Variants in HAUS6 observed in about 807,000 individuals in gnomAD.
HAUS6 encodes HAUS augmin like complex subunit 6, also known as HAUS augmin-like complex subunit 6.
HAUS6 carries 80 observed loss-of-function variants against 106.8 expected under a neutral mutation model. The ratio of observed to expected loss-of-function variants is 0.75; its 90% CI spans 0.63 to 0.90. The LOEUF is 0.90. Ranked by LOEUF, HAUS6 falls within the 40% of genes least tolerant of loss-of-function variation. HAUS6 has a pLI of 0.00. For missense variants in HAUS6, 1,155 were observed against 1,118.1 expected, an observed-to-expected ratio of 1.03 and a Z score of -0.47; for synonymous variants, 356 against 379.1, an observed-to-expected ratio of 0.94 and a Z score of 0.71.
rs73435347 is a variant in HAUS6, at chr9:19,057,601, T to G, written c.2806+360A>C. 1,604 of 249,054 alleles carry G rather than the reference T, an allele frequency of 6.4e-3. 25 individuals carry two copies. Among genetic ancestry groups the G allele is most frequent in the African/African-American group, 0.032 (1,462 of 45,128 alleles). 15.4% of individuals were successfully genotyped at this position (249,054 alleles called of 1,614,324 possible). A position where few individuals can be genotyped will look rare whatever the true frequency, so the allele number is the denominator to read the frequency against. Reference sequence around the variant, plus strand: ...TATTTCTACACCCCACCCCCAGATATTACACCATTATAGTGATGATATTTA... The same window carrying G: ...TATTTCTACACCCCACCCCCAGATAGTACACCATTATAGTGATGATATTTA... On this transcript the variant is annotated intron_variant, in intron 16 of 16. Coordinates refer to ENST00000380502, the MANE Select transcript of HAUS6 (RefSeq NM_017645.5).
chr9:19,063,177 G>A lies in HAUS6; in HGVS notation c.1460C>T (p.Thr487Ile). 6.2e-7 allele frequency: 1 copy of A among 1,600,776 alleles called. No individual in the cohort carries two copies. The highest frequency in any genetic ancestry group is 8.5e-7 in the Non-Finnish European group (1 of 1,170,300). The change falls in exon 14 of 17, where the codon ACT becomes ATT. Residue 487 changes from threonine to isoleucine, a missense_variant. By Grantham distance (89) the Thr-to-Ile change is moderately conservative (BLOSUM62 -1). Transcript: ENST00000380502. Reference sequence around the variant, plus strand: ...AATTGCTTCATTTTTTTCTTTGGGAGTTCCCATCTTTGTGTCCTGAAGAAG... The same window carrying A: ...AATTGCTTCATTTTTTTCTTTGGGAATTCCCATCTTTGTGTCCTGAAGAAG... The part of the protein sequence containing the change: ...TVLEKDTKMG[T>I]PKEKNEAISK...
intron 4 of HAUS6, among the ~76,000 whole-genome samples, chr9:19,092,217 G>A (rs1030126849): frequency 1.3e-5 from 2 of 151,820 alleles, no homozygotes; most frequent in African/African-American, 4.8e-5. Context: ...AGCACTTTAG[G>A]AGGCCAAGGC....
At chr9:19,090,842 G>C (rs760697403) in intron 4 of HAUS6, among the ~76,000 whole-genome samples, 1 of 152,298 alleles carries the variant, frequency 6.6e-6, no homozygotes. Context: ...AACCAGAGTA[G>C]ACCTGAGAAT....
intron 12 of HAUS6, among the ~76,000 whole-genome samples, chr9:19,064,111 G>A (rs997052757): frequency 1.3e-5 from 2 of 152,002 alleles, no homozygotes; most frequent in African/African-American, 2.4e-5. Context: ...GGAATTACAG[G>A]CATGCGCCAC....
intron 1 of HAUS6, among the ~76,000 whole-genome samples, chr9:19,098,097 G>A (rs959889344): frequency 1.3e-5 from 2 of 152,088 alleles, no homozygotes; most frequent in Non-Finnish European, 2.9e-5. Flanking sequence ...GACACTTATT[G>A]TAATTTGTAA....
At chr9:19,071,535 T>G (rs1367552049) in intron 11 of HAUS6, among the ~76,000 whole-genome samples, 2 of 151,412 alleles carry the variant, frequency 1.3e-5, no homozygotes, top group East Asian at 1.9e-4. Context: ...TTTAGATATA[T>G]CCCAGTGAAC....
At position 19,094,338 on chromosome 9, in the gene HAUS6, A is replaced by G; in HGVS notation, c.282T>C (p.Cys94=). The G allele has an allele frequency of 6.3e-7, 1 of 1,597,530 alleles. No homozygotes were observed. The highest frequency in any genetic ancestry group is 2.2e-5 in the East Asian group (1 of 44,794). ...TTACAGAAATCCTTTTTATCCATTCACAGCAATGTTTTCGGAATTCAGTGT... is the reference window on the plus strand; with the variant it reads ...TTACAGAAATCCTTTTTATCCATTCGCAGCAATGTTTTCGGAATTCAGTGT... ...KSDTEFRKHC[C]EWIKRISGEC... is the part of the protein sequence containing the mutation. The change falls in exon 3 of 17, where the codon TGT becomes TGC. Residue 94 remains cysteine (C), a synonymous_variant. Coordinates refer to ENST00000380502, the MANE Select transcript of HAUS6 (RefSeq NM_017645.5).
At chr9:19,081,780 T>G (rs1837156452) in intron 8 of HAUS6, among the ~76,000 whole-genome samples, 1 of 152,070 alleles carries the variant, frequency 6.6e-6, no homozygotes, top group Admixed American at 6.6e-5. Flanking sequence ...ACACAAAAAT[T>G]ATGGGCCAGG....
chr9:19,056,379 A>G lies in HAUS6; in HGVS notation c.2832T>C (p.Leu944=). 6.4e-7 allele frequency: 1 copy of G among 1,556,232 alleles called. No individual in the cohort carries two copies. Among genetic ancestry groups the G allele is most frequent in the Non-Finnish European group, 8.9e-7 (1 of 1,127,952 alleles). The change falls in exon 17 of 17, where the codon CTT becomes CTC. Residue 944 remains leucine, a synonymous_variant. Transcript: ENST00000380502. ...LKEEDILNKS[L]DAKEPPSDLT... ...AGTCAGACGGTGGTTCTTTTGCATC[A>G]AGGCTCTTATTCAAAATGTCTTCTT... is the stretch of plus-strand genomic sequence containing the variant.
At position 19,054,051 on chromosome 9, in the gene HAUS6, G is replaced by A. The variant is rs111274257; in HGVS notation, c.*2292C>T. The A allele has an allele frequency of 2.6e-5, 4 of 152,166 alleles. No homozygotes were observed. Among genetic ancestry groups the A allele is most frequent in the African/African-American group, 4.8e-5 (2 of 41,446 alleles). 9.4% of individuals were successfully genotyped at this position (152,166 alleles called of 1,614,324 possible). On this transcript the variant is annotated 3_prime_UTR_variant, in exon 17 of 17. Transcript: ENST00000380502. ...GAGTAGGCACATGGATATAAAAAGC[G>A]TGGATTAAGACTTCAAGACGGAAGT...
intron 3 of HAUS6, among the ~76,000 whole-genome samples, 166 bp downstream of exon 3, chr9:19,094,151 T>C (rs527845223): frequency 6.6e-6 from 1 of 152,334 alleles, no homozygotes; most frequent in African/African-American, 2.4e-5. Context: ...TCGAAATATA[T>C]AGAATCCCAA....
intron 1 of HAUS6, among the ~76,000 whole-genome samples, chr9:19,098,481 T>C (rs1817910183): frequency 6.6e-6 from 1 of 151,822 alleles, no homozygotes; most frequent in Non-Finnish European, 1.5e-5. Flanking sequence ...TTTATATCTA[T>C]TCTCTTCACC....
intron 1 of HAUS6, among the ~76,000 whole-genome samples, chr9:19,102,180 G>T (rs1449845748): frequency 6.6e-6 from 1 of 150,996 alleles, no homozygotes; most frequent in Non-Finnish European, 1.5e-5. Context: ...TGTACATATG[G>T]TTCCCATGCT....
intron 11 of HAUS6, among the ~76,000 whole-genome samples, chr9:19,071,142 G>A (rs1045058470): frequency 6.6e-6 from 1 of 152,148 alleles, no homozygotes; most frequent in Admixed American, 6.6e-5. Context: ...ATGAAAAACA[G>A]GCAGTTACAG....
chr9:19,063,954 G>C (rs1432466500), intron 12 of HAUS6, among the ~76,000 whole-genome samples: 1 of 149,406 alleles, frequency 6.7e-6, no homozygotes, highest in East Asian at 1.9e-4. Context: ...TTTCTTTGTA[G>C]CAGATCCTTT....
rs1188246523 is a variant in HAUS6 at position 19,056,316 on chromosome 9, T to C, written c.*27A>G. On this transcript the variant is annotated 3_prime_UTR_variant, in exon 17 of 17. Coordinates refer to ENST00000380502, the MANE Select transcript of HAUS6 (RefSeq NM_017645.5). ...GTGGCATAGCTTCAATTTAAGTGCA[T>C]CATAGTTATATTAAATGGGTACGTC... The C allele has an allele frequency of 2.9e-6, 3 of 1,042,476 alleles. No individual in the cohort carries two copies. In the South Asian group the frequency reaches 3.9e-5, roughly 13 times the overall value. 64.6% of individuals were successfully genotyped at this position (1,042,476 alleles called of 1,614,324 possible).
intron 13 of HAUS6, 139 bp from the exon 14 acceptor site, chr9:19,063,332 A>T: frequency 1.5e-6 from 1 of 680,710 alleles, no homozygotes; most frequent in South Asian, 2.1e-5. Context: ...TCACTGGCAG[A>T]ATTAACTAAT....
chr9:19,064,021 G>A (rs893400972), intron 12 of HAUS6, among the ~76,000 whole-genome samples: 4 of 149,980 alleles, frequency 2.7e-5, no homozygotes, highest in African/African-American at 4.9e-5. Context: ...AGGCTAGAGT[G>A]CAATGGCGCG....
At chr9:19,078,584 T>C (rs538187228) in intron 9 of HAUS6, among the ~76,000 whole-genome samples, 1 of 152,012 alleles carries the variant, frequency 6.6e-6, no homozygotes, top group East Asian at 1.9e-4. Context: ...GGTCAGGAGT[T>C]CAAGACCAGC....
Sources: allele counts gnomAD v4.1 joint callset (sites outside exome capture counted in the v4.1 genomes callset), GRCh38; gene constraint gnomAD v4.1.1; transcripts MANE v1.5; gene names NCBI Gene and HGNC (gene_info 2026-07-23, HGNC 2026-07-21).